The following ACP2 variants were observed in gnomAD, a reference collection of about 807,000 sequenced individuals.
ACP2 encodes lysosomal acid phosphatase.
A neutral mutation model predicts 54.7 loss-of-function variants in ACP2; 35 were observed. The ratio of observed to expected loss-of-function variants is 0.64; its 90% CI spans 0.49 to 0.85. The LOEUF (loss-of-function observed/expected upper bound fraction) is 0.85. ACP2 is among the 40% of genes least tolerant of loss of function. ACP2 has a pLI of 0.00. For synonymous variants in ACP2, 210 were observed against 224.4 expected (o/e 0.94, Z 0.57); for missense variants, 492 against 565.0 (o/e 0.87, Z 1.31).
In ACP2 at chr11:47,247,713, C is replaced by T. The variant is rs556408366; in HGVS notation, c.225G>A (p.Gln75=). 1 of 1,613,738 alleles carries T rather than the reference C, an allele frequency of 6.2e-7. No homozygotes were observed. The highest frequency in any genetic ancestry group is 1.1e-5 in the South Asian group (1 of 91,072). Residue 75 remains glutamine (Q), a synonymous_variant, in exon 3 of 11, where the codon CAG becomes CAA. Transcript: ENST00000672073. Reference sequence around the variant, plus strand: ...GCAGGGCCTGGCCCAGTTCCCAGTGCTGTAGCATCCCCTCCTGTGGGCAAA... The same window carrying T: ...GCAGGGCCTGGCCCAGTTCCCAGTGTTGTAGCATCCCCTCCTGTGGGCAAA... ...FGQLTKEGML[Q]HWELGQALRQ...
intron 3 of ACP2, among the ~76,000 whole-genome samples, chr11:47,246,371 C>T (rs1954080486): frequency 6.6e-6 from 1 of 151,928 alleles, no homozygotes; most frequent in Non-Finnish European, 1.5e-5. Flanking sequence ...AGGCCAGGAG[C>T]TCGAGACCAG....
In ACP2 at chr11:47,239,789, G is replaced by A. The variant is rs1044860062; in HGVS notation, c.*327C>T. The A allele has an allele frequency of 6.8e-6, 2 of 293,142 alleles. No individual in the cohort carries two copies. Among genetic ancestry groups the A allele is most frequent in the Non-Finnish European group, 1.3e-5 (2 of 156,358 alleles). The allele number at this position is 293,142 out of a possible 1,614,324, so 18.2% of individuals were successfully genotyped here. A position where few individuals can be genotyped will look rare whatever the true frequency, so the allele number is the denominator to read the frequency against. ...TTGATAGAAGTGCAAGGTGGATCCA[G>A]CACCAACTCTGCCATTTTCTAATCC... On this transcript the variant is annotated 3_prime_UTR_variant, in exon 11 of 11. Coordinates refer to ENST00000672073, the MANE Select transcript of ACP2 (RefSeq NM_001610.4).
At chr11:47,242,583 A>G (rs1953912720) in intron 10 of ACP2, 140 bp downstream of exon 10, 3 of 915,224 alleles carry the variant, frequency 3.3e-6, no homozygotes, top group Non-Finnish European at 5.0e-6. Context: ...GGGAGAAGGT[A>G]TAAAGCAGTC....
rs1245496948 is a variant in ACP2 at position 47,245,557 on chromosome 11, A to G, written c.466T>C (p.Leu156=). The G allele has an allele frequency of 3.1e-6, 5 of 1,614,142 alleles. No homozygotes were observed. Among genetic ancestry groups the G allele is most frequent in the Non-Finnish European group, 4.2e-6 (5 of 1,180,056 alleles). The part of the protein sequence containing the change: ...ITEDRLLKFP[L]GPCPRYEQLQ... Reference sequence around the variant, plus strand: ...TGCTCATAACGGGGACATGGGCCCAACGGGAACTTCAGCAGCTGTAGAGCG... The same window carrying G: ...TGCTCATAACGGGGACATGGGCCCAGCGGGAACTTCAGCAGCTGTAGAGCG... Residue 156 remains leucine, a synonymous_variant, in exon 5 of 11, where the codon TTG becomes CTG. Transcript: ENST00000672073.
chr11:47,243,628 A>G (rs1953953534), intron 7 of ACP2, among the ~76,000 whole-genome samples: 1 of 152,230 alleles, frequency 6.6e-6, no homozygotes, highest in Non-Finnish European at 1.5e-5. Flanking sequence ...GCTTCAGAGT[A>G]CACAGCGGGT....
Position 47,242,913 on chromosome 11 carries a change from G to C in ACP2, c.963-15C>G, listed in dbSNP as rs1172461860. The C allele has an allele frequency of 2.5e-6, 4 of 1,609,208 alleles. No individual in the cohort carries two copies. The highest frequency in any genetic ancestry group is 3.4e-6 in the Non-Finnish European group (4 of 1,176,144). ...CTGAGAAATTCCTGAGGGTCGACAG[G>C]AGGCAACATGGGAGCTGCTCAGCCT... On this transcript the variant is annotated splice_polypyrimidine_tract_variant and intron_variant, in intron 9 of 10. Transcript: ENST00000672073.
chr11:47,245,737 G>C lies in ACP2; in HGVS notation c.395C>G (p.Pro132Arg), dbSNP rs532889627. The C allele has an allele frequency of 8.1e-6, 13 of 1,613,762 alleles. No individual in the cohort carries two copies. The highest frequency in any genetic ancestry group is 1.1e-5 in the Non-Finnish European group (13 of 1,179,762). Residue 132 changes from proline to arginine, a missense_variant, in exon 4 of 11, where the codon CCG (proline) becomes CGG (arginine). By Grantham distance (103) the Pro-to-Arg change is moderately radical. Coordinates refer to ENST00000672073, the MANE Select transcript of ACP2 (RefSeq NM_001610.4). ...FPPNGMQRFN[P>R]NISWQPIPVH... ...AGGAATAGGCTGCCACGAGATGTTC[G>C]GGTTGAAGCGCTGCATCCCGTTGGG...
intron 7 of ACP2, 73 bp downstream of exon 7, chr11:47,244,661 AG>A: frequency 1.6e-6 from 2 of 1,217,218 alleles, no homozygotes; most frequent in Non-Finnish European, 2.3e-6. Flanking sequence ...GAAGTGTGTG[AG>A]AAGCCCCCAC....
At chr11:47,242,448 G>A (rs1025839640) in intron 10 of ACP2, among the ~76,000 whole-genome samples, 2 of 152,270 alleles carry the variant, frequency 1.3e-5, no homozygotes, top group Non-Finnish European at 2.9e-5. Context: ...AGTGCGGGTG[G>A]AGAGGCCACC....
At chr11:47,240,382 G>C (rs1565159795) in intron 10 of ACP2, 133 bp from the exon 11 acceptor site, 1 of 593,776 alleles carries the variant, frequency 1.7e-6, no homozygotes, top group East Asian at 2.9e-5. Flanking sequence ...CATTCTAGGA[G>C]AGGGGATGTA....
At chr11:47,247,841 T>C in intron 2 of ACP2, 114 bp from the exon 3 acceptor site, 1 of 1,098,068 alleles carries the variant, frequency 9.1e-7, no homozygotes, top group South Asian at 1.5e-5. Flanking sequence ...TCAATTAATC[T>C]GATCCCAGAA....
At chr11:47,247,799 C>T (rs1278904953) in intron 2 of ACP2, 72 bp from the exon 3 acceptor site, 1 of 1,453,850 alleles carries the variant, frequency 6.9e-7, no homozygotes, top group East Asian at 2.3e-5. Flanking sequence ...GGTTTAGGCC[C>T]TGTTGCTTTC....
chr11:47,246,603 C>T (rs1334686030), intron 3 of ACP2, among the ~76,000 whole-genome samples: 1 of 151,256 alleles, frequency 6.6e-6, no homozygotes, highest in Non-Finnish European at 1.5e-5. Flanking sequence ...GGGCCGGGCA[C>T]GGTGGCTCAT....
intron 7 of ACP2, among the ~76,000 whole-genome samples, chr11:47,244,114 G>A (rs772978283): frequency 6.6e-6 from 1 of 152,102 alleles, no homozygotes; most frequent in African/African-American, 2.4e-5. Context: ...TATAGCCTGG[G>A]TGACAGAGCA....
chr11:47,245,443 C>T (rs1415307553), intron 5 of ACP2, 31 bp downstream of exon 5: 7 of 1,614,192 alleles, frequency 4.3e-6, no homozygotes, highest in Middle Eastern at 1.6e-4. Context: ...GAAAAGACAG[C>T]GTGGTGAGCT....
chr11:47,245,364 C>T lies in ACP2; in HGVS notation c.580G>A (p.Gly194Arg), dbSNP rs1164205746. The T allele has an allele frequency of 1.9e-6, 3 of 1,614,160 alleles. No homozygotes were observed. The highest frequency in any genetic ancestry group is 2.5e-6 in the Non-Finnish European group (3 of 1,180,044). The change falls in exon 6 of 11, where the codon GGG becomes AGG. Residue 194 changes from glycine (G) to arginine (R), a missense_variant. Transcript: ENST00000672073. ...GTCTCCAGTGTCAGGTCTGTAAGCC[C>T]TGTCTCGTTGGCCACCATGTCCAGA... ...QFLDMVANET[G>R]LTDLTLETVW...
chr11:47,248,754 A>G lies in ACP2; in HGVS notation c.36T>C (p.Ala12=), dbSNP rs1437379432. ...AGKRSGWSRA[A]LLQLLLGVNL... Reference sequence around the variant, plus strand: ...TCACGCCGAGAAGGAGCTGGAGGAGAGCCGCCCGGCTCCAGCCGGACCGCT... The same window carrying G: ...TCACGCCGAGAAGGAGCTGGAGGAGGGCCGCCCGGCTCCAGCCGGACCGCT... Residue 12 remains alanine (A), a synonymous_variant, in exon 1 of 11, where the codon GCT becomes GCC. Coordinates refer to ENST00000672073, the MANE Select transcript of ACP2 (RefSeq NM_001610.4). 2 of 1,605,526 alleles carry G rather than the reference A, an allele frequency of 1.2e-6. No homozygotes were observed. Among genetic ancestry groups the G allele is most frequent in the South Asian group, 1.1e-5 (1 of 89,374 alleles).
chr11:47,244,601 G>A, intron 7 of ACP2, 134 bp downstream of exon 7: 2 of 599,048 alleles, frequency 3.3e-6, no homozygotes, highest in South Asian at 8.5e-5. Flanking sequence ...CTAGCGGCAT[G>A]AGGAGGGGGA....
At chr11:47,247,407 C>A in intron 3 of ACP2, 2 of 586,872 alleles carry the variant, frequency 3.4e-6, no homozygotes, top group Non-Finnish European at 3.0e-6. Context: ...TTGCCAGGCC[C>A]GCCCTTAAGT....
Sources: allele counts gnomAD v4.1 joint callset (sites outside exome capture counted in the v4.1 genomes callset), GRCh38; gene constraint gnomAD v4.1.1; transcripts MANE v1.5; gene names NCBI Gene and HGNC (gene_info 2026-07-23, HGNC 2026-07-21).